Variants in RABGAP1L observed in about 807,000 individuals in gnomAD.
RABGAP1L encodes rab GTPase-activating protein 1-like.
RABGAP1L carries 63 observed loss-of-function variants against 137.7 expected under a neutral mutation model. That is an observed-to-expected ratio of 0.46 (90% CI 0.37 to 0.56). RABGAP1L has a LOEUF of 0.56. Ranked by LOEUF, RABGAP1L falls within the 20% of genes least tolerant of loss-of-function variation. RABGAP1L has a pLI of 0.00. For missense variants in RABGAP1L, 1,095 were observed against 1,244.0 expected (o/e 0.88, Z 1.80); for synonymous variants, 431 against 433.7 (o/e 0.99, Z 0.08).
chr1:174,760,921 T>C (rs1256137403), intron 18 of RABGAP1L, among the ~76,000 whole-genome samples: 1 of 152,264 alleles, frequency 6.6e-6, no homozygotes, highest in African/African-American at 2.4e-5. Flanking sequence ...AGACAGATAC[T>C]GTTCTATGTG....
chr1:174,298,540 T>A (rs1193716397), intron 10 of RABGAP1L, among the ~76,000 whole-genome samples: 1 of 152,026 alleles, frequency 6.6e-6, no homozygotes, highest in Non-Finnish European at 1.5e-5. Flanking sequence ...CAGATCCAAT[T>A]TTCTTTCCTA....
At chr1:174,850,783 G>C (rs762429261) in intron 19 of RABGAP1L, among the ~76,000 whole-genome samples, 2 of 152,152 alleles carry the variant, frequency 1.3e-5, no homozygotes, top group Non-Finnish European at 2.9e-5. Context: ...GGGCCTAATC[G>C]AATCATATGA....
intron 10 of RABGAP1L, among the ~76,000 whole-genome samples, chr1:174,303,203 A>G (rs1178961545): frequency 6.6e-6 from 1 of 152,022 alleles, no homozygotes; most frequent in African/African-American, 2.4e-5. Flanking sequence ...TTATATAGAC[A>G]TTCTTGTTGA....
intron 11 of RABGAP1L, among the ~76,000 whole-genome samples, chr1:174,355,004 C>T (rs1034841748): frequency 6.6e-6 from 1 of 152,154 alleles, no homozygotes; most frequent in Admixed American, 6.5e-5. Flanking sequence ...AACACTTTTA[C>T]ACTGTTGGTG....
At chr1:174,266,557 A>G (rs1376358396) in intron 7 of RABGAP1L, among the ~76,000 whole-genome samples, 1 of 152,202 alleles carries the variant, frequency 6.6e-6, no homozygotes, top group Admixed American at 6.5e-5. Context: ...AATTTCTGTT[A>G]CCATAGTATA....
intron 14 of RABGAP1L, among the ~76,000 whole-genome samples, chr1:174,653,556 G>T (rs888246212): frequency 1.7e-4 from 26 of 152,142 alleles, no homozygotes; most frequent in Admixed American, 1.1e-3. Flanking sequence ...CACTTCCCTT[G>T]TGAGGTGACA....
intron 13 of RABGAP1L, among the ~76,000 whole-genome samples, chr1:174,513,874 T>G (rs1662569651): frequency 6.6e-6 from 1 of 152,160 alleles, no homozygotes; most frequent in South Asian, 2.1e-4. Flanking sequence ...GATCTGTAAC[T>G]AAGAGGCAAT....
intron 13 of RABGAP1L, among the ~76,000 whole-genome samples, chr1:174,402,266 G>A (rs1648690763): frequency 6.6e-6 from 1 of 151,780 alleles, no homozygotes; most frequent in African/African-American, 2.4e-5. Context: ...AGAATGAAAG[G>A]GACAACTCAT....
At chr1:174,434,848 T>C (rs1358683550) in intron 13 of RABGAP1L, among the ~76,000 whole-genome samples, 3 of 152,210 alleles carry the variant, frequency 2.0e-5, no homozygotes, top group Non-Finnish European at 2.9e-5. Context: ...TATTAACAAA[T>C]TGTAGGAGTC....
chr1:174,913,522 G>T (rs1362546397), intron 19 of RABGAP1L, among the ~76,000 whole-genome samples: 1 of 152,112 alleles, frequency 6.6e-6, no homozygotes, highest in Non-Finnish European at 1.5e-5. Context: ...AGGTAAATAT[G>T]TTTAGCAAAG....
chr1:174,203,071 T>C (rs1355664963), intron 1 of RABGAP1L, among the ~76,000 whole-genome samples: 2 of 152,214 alleles, frequency 1.3e-5, no homozygotes, highest in African/African-American at 4.8e-5. Context: ...CGTCATGAAA[T>C]CTTTGCCTGT....
At chr1:174,868,871 TAAATTACC>T (rs1170469831) in intron 19 of RABGAP1L, among the ~76,000 whole-genome samples, 1 of 152,154 alleles carries the variant, frequency 6.6e-6, no homozygotes, top group Non-Finnish European at 1.5e-5. Context: ...AGGACTCATG[TAAATTACC>T]AAATTACTCC....
At chr1:174,663,462 A>ATTACACATT (rs1676539918) in intron 14 of RABGAP1L, among the ~76,000 whole-genome samples, 1 of 152,194 alleles carries the variant, frequency 6.6e-6, no homozygotes, top group Admixed American at 6.5e-5. Context: ...CTACATGTGT[A>ATTACACATT]ATAAGCTGTA....
Position 174,415,241 on chromosome 1 carries a change from T to C in RABGAP1L, c.1710+21096T>C, listed in dbSNP as rs562933944. 3.9e-5 allele frequency among the ~76,000 whole-genome samples: 6 copies of C among 152,272 alleles called. No individual in the cohort carries two copies. In the East Asian group the frequency reaches 9.6e-4, roughly 24 times the overall value. ...TAGGATTCTTTATTCAGTTCCTTTT[T>C]CCCTGTATTAAATCTTTACATTTTC... On this transcript the variant is annotated intron_variant, in intron 13 of 25. Coordinates refer to ENST00000681986, the MANE Select transcript of RABGAP1L (RefSeq NM_001366446.1).
chr1:174,462,628 A>G lies in RABGAP1L; in HGVS notation c.1710+68483A>G, dbSNP rs144989582. ...TGAGCTTTGGGGTAGGAATGATCTC[A>G]TCACCGAGGTAGTGAGCATAGTACC... On this transcript the variant is annotated intron_variant, in intron 13 of 25. Transcript: ENST00000681986. 3.0e-4 allele frequency among the ~76,000 whole-genome samples: 45 copies of G among 152,254 alleles called. No individual in the cohort carries two copies. The East Asian group carries it at 3.5e-3, about 12-fold the overall frequency.
chr1:174,467,959 C>T (rs1251700452), intron 13 of RABGAP1L, among the ~76,000 whole-genome samples: 1 of 151,906 alleles, frequency 6.6e-6, no homozygotes, highest in African/African-American at 2.4e-5. Context: ...AATAGGAAAA[C>T]GTTAGCATTT....
chr1:174,260,544 G>T (rs897567014), intron 7 of RABGAP1L, among the ~76,000 whole-genome samples: 1 of 152,086 alleles, frequency 6.6e-6, no homozygotes, highest in African/African-American at 2.4e-5. Flanking sequence ...CTTATTGAGG[G>T]TCTCCAGCTG....
intron 1 of RABGAP1L, among the ~76,000 whole-genome samples, chr1:174,184,251 G>GTGTA (rs1666622221): frequency 6.6e-6 from 1 of 152,172 alleles, no homozygotes; most frequent in South Asian, 2.1e-4. Context: ...GCATGGAATA[G>GTGTA]TATTACATTT....
At chr1:174,166,758 T>G (rs886439151) in intron 1 of RABGAP1L, among the ~76,000 whole-genome samples, 1 of 152,252 alleles carries the variant, frequency 6.6e-6, no homozygotes, top group Non-Finnish European at 1.5e-5. Flanking sequence ...GCCTTGCTTC[T>G]CTTTGACCCA....
Sources: gnomAD v4.1 joint callset for allele counts (sites outside exome capture counted in the v4.1 genomes callset) on GRCh38, gnomAD v4.1.1 for gene constraint, MANE v1.5 for transcripts, NCBI Gene and HGNC (gene_info 2026-07-23, HGNC 2026-07-21) for gene names.